Variants in NCOR1 observed in about 807,000 individuals in gnomAD.
NCOR1 encodes nuclear receptor corepressor 1.
A neutral mutation model predicts 288.1 loss-of-function variants in NCOR1; 63 were observed. That is an observed-to-expected ratio of 0.22 (90% CI 0.18 to 0.27). NCOR1 has a LOEUF of 0.27. NCOR1 is among the 10% of genes least tolerant of loss of function. The pLI, the probability that NCOR1 is intolerant of heterozygous loss-of-function variation, is 1.00. For synonymous variants in NCOR1, 1,007 were observed against 1,065.9 expected (o/e 0.94, Z 1.08); for missense variants, 2,397 against 3,019.2 (o/e 0.79, Z 4.83).
At chr17:16,136,515 A>C (rs1275534243) in intron 14 of NCOR1, among the ~76,000 whole-genome samples, 1 of 152,156 alleles carries the variant, frequency 6.6e-6, no homozygotes, top group Non-Finnish European at 1.5e-5. Context: ...TTTAGAAATT[A>C]AATTATCTAG....
intron 1 of NCOR1, among the ~76,000 whole-genome samples, chr17:16,199,173 C>T (rs958453648): frequency 3.2e-5 from 4 of 123,988 alleles, no homozygotes; most frequent in African/African-American, 1.1e-4. Context: ...AGTCAGTTTT[C>T]TTTAAAAGTA....
chr17:16,128,925 A>T (rs558060539), intron 14 of NCOR1, among the ~76,000 whole-genome samples: 29 of 152,340 alleles, frequency 1.9e-4, no homozygotes, highest in African/African-American at 6.3e-4. Flanking sequence ...AACATTGCTG[A>T]ACTGTGATAT....
chr17:16,041,381 G>T (rs1205990640), intron 42 of NCOR1: 1 of 143,318 alleles, frequency 7.0e-6, no homozygotes, highest in Non-Finnish European at 1.5e-5. Flanking sequence ...GCCAAATGAT[G>T]TGTCCCAAAG....
In NCOR1 at chr17:16,166,744, CT is replaced by C. The variant is rs113213705; in HGVS notation, c.436-1584del. The stretch of plus-strand genomic sequence containing the variant: ...TCTTTATCAACCTTTTTTTCTCCCC[CT>C]CCCTCCTTTATCAACATTAAAAAAA... On this transcript the variant is annotated intron_variant, in intron 4 of 45. Transcript: ENST00000268712. Among the ~76,000 whole-genome samples the C allele has an allele frequency of 6.1e-4, 93 of 151,364 alleles. 1 individual carries two copies. The highest frequency in any genetic ancestry group is 2.2e-3 in the African/African-American group (90 of 41,360).
intron 11 of NCOR1, among the ~76,000 whole-genome samples, chr17:16,141,181 T>C (rs1056104938): frequency 6.6e-6 from 1 of 152,088 alleles, no homozygotes; most frequent in Non-Finnish European, 1.5e-5. Context: ...AACTCAAAGG[T>C]GTCTCTAGAA....
intron 15 of NCOR1, among the ~76,000 whole-genome samples, chr17:16,123,492 C>T (rs963146738): frequency 6.6e-6 from 1 of 152,158 alleles, no homozygotes; most frequent in African/African-American, 2.4e-5. Context: ...TGGCAATAAA[C>T]CACTCCATCC....
chr17:16,157,081 GC>G (rs1568377073), intron 6 of NCOR1, among the ~76,000 whole-genome samples: 1 of 150,654 alleles, frequency 6.6e-6, no homozygotes, highest in African/African-American at 2.4e-5. Flanking sequence ...TGGCCATGGA[GC>G]CCATGAGCCC....
At chr17:16,038,293 CAG>C (rs796486419) in intron 44 of NCOR1, among the ~76,000 whole-genome samples, 6 of 152,282 alleles carry the variant, frequency 3.9e-5, no homozygotes, top group African/African-American at 1.4e-4. Context: ...TTGTTTTTAA[CAG>C]AATGTATAAA....
chr17:16,210,610 G>C (rs2092023714), intron 1 of NCOR1, among the ~76,000 whole-genome samples: 2 of 152,012 alleles, frequency 1.3e-5, no homozygotes. Context: ...CACTGACATA[G>C]ATCAGTATCA....
intron 5 of NCOR1, 47 bp from the exon 6 acceptor site, chr17:16,158,920 C>A: frequency 1.5e-6 from 2 of 1,340,910 alleles, no homozygotes; most frequent in South Asian, 1.2e-5. Flanking sequence ...GCACACCACA[C>A]CCAGCAGTGA....
chr17:16,088,025 GCA>G (rs898491467), intron 22 of NCOR1, among the ~76,000 whole-genome samples: 2 of 152,002 alleles, frequency 1.3e-5, no homozygotes, highest in Admixed American at 6.6e-5. Flanking sequence ...AATCAAAAAA[GCA>G]CAAAGTAAAA....
chr17:16,146,261 C>A (rs1032915089), intron 10 of NCOR1, 115 bp downstream of exon 10: 14 of 910,040 alleles, frequency 1.5e-5, no homozygotes, highest in Non-Finnish European at 2.2e-5. Context: ...TGCCAAATCC[C>A]CCTCTCCGAG....
rs373403855 is a variant in NCOR1, at chr17:16,039,429, G to A, written c.6955+4C>T. 17 of 1,612,554 alleles carry A rather than the reference G, an allele frequency of 1.1e-5. No homozygotes were observed. Among genetic ancestry groups the A allele is most frequent in the Non-Finnish European group, 1.4e-5 (16 of 1,179,220 alleles). ...GCAGAAAAGCACTAAAATGAAAGCT[G>A]TACCTGAATGAGGTGATGGGTCCCC... is the stretch of plus-strand genomic sequence containing the variant. On this transcript the variant is annotated splice_donor_region_variant and intron_variant, in intron 44 of 45. Transcript: ENST00000268712.
intron 3 of NCOR1, among the ~76,000 whole-genome samples, chr17:16,176,352 T>A (rs1478428894): frequency 6.6e-6 from 1 of 152,154 alleles, no homozygotes; most frequent in African/African-American, 2.4e-5. Context: ...CACTGCCACC[T>A]CCACCTCCTG....
At chr17:16,125,097 CTCACGCCTGTAA>C (rs2073777738) in intron 15 of NCOR1, among the ~76,000 whole-genome samples, 1 of 152,252 alleles carries the variant, frequency 6.6e-6, no homozygotes, top group East Asian at 1.9e-4. Flanking sequence ...GGCGTGGTGG[CTCACGCCTGTAA>C]TCCCAACACT....
intron 2 of NCOR1, among the ~76,000 whole-genome samples, chr17:16,191,665 G>GT (rs1300619234): frequency 1.3e-5 from 2 of 152,160 alleles, no homozygotes; most frequent in Non-Finnish European, 2.9e-5. Flanking sequence ...TGCAACATGA[G>GT]TAATTGGAGT....
rs2072913786 is a variant in NCOR1, at chr17:16,121,049, C to G, written c.1852+3G>C. The G allele has an allele frequency of 1.2e-6, 2 of 1,611,178 alleles. No homozygotes were observed. Among genetic ancestry groups the G allele is most frequent in the Non-Finnish European group, 1.7e-6 (2 of 1,178,154 alleles). ...CCTGTTTATGCCAATTGTTTCCACT[C>G]ACTGGGTTCTGGTGGCGGTGGCAGA... is the stretch of plus-strand genomic sequence containing the variant. On this transcript the variant is annotated splice_donor_region_variant and intron_variant, in intron 16 of 45. Coordinates refer to ENST00000268712, the MANE Select transcript of NCOR1 (RefSeq NM_006311.4).
intron 40 of NCOR1, chr17:16,057,266 C>T (rs2060043251): frequency 2.1e-6 from 1 of 474,044 alleles, no homozygotes; most frequent in Admixed American, 3.4e-5. Flanking sequence ...TTCTTCTTAA[C>T]TGTCTTTACA....
rs914243692 is a variant in NCOR1, at chr17:16,174,941, C to T, written c.243-2946G>A. ...ATACGTACAAACAAAAACTTGTACACGAATATTCACAGCAGAATTATTCAT... is the reference window on the plus strand; with the variant it reads ...ATACGTACAAACAAAAACTTGTACATGAATATTCACAGCAGAATTATTCAT... On this transcript the variant is annotated intron_variant, in intron 3 of 45. Coordinates refer to ENST00000268712, the MANE Select transcript of NCOR1 (RefSeq NM_006311.4). 6.6e-5 allele frequency among the ~76,000 whole-genome samples: 10 copies of T among 150,954 alleles called. No homozygotes were observed. The East Asian group carries it at 1.2e-3, about 18-fold the overall frequency.
Sources: gnomAD v4.1 joint callset for allele counts (sites outside exome capture counted in the v4.1 genomes callset) on GRCh38, gnomAD v4.1.1 for gene constraint, MANE v1.5 for transcripts, NCBI Gene and HGNC (gene_info 2026-07-23, HGNC 2026-07-21) for gene names.